The following DNAH7 variants were observed in gnomAD, a reference collection of about 807,000 sequenced individuals.
DNAH7 encodes the protein axonemal beta dynein heavy chain 7.
In DNAH7, 397 loss-of-function variants were observed where a neutral mutation model predicts 444.6. That is an observed-to-expected ratio of 0.89 (90% CI 0.82 to 0.97). DNAH7 has a LOEUF of 0.97. DNAH7 is among the 50% of genes least tolerant of loss of function. The pLI, the probability that DNAH7 is intolerant of heterozygous loss-of-function variation, is 0.00. For missense variants in DNAH7, 4,902 were observed against 4,800.8 expected, an observed-to-expected ratio of 1.02 and a Z score of -0.62; for synonymous variants, 1,636 against 1,624.4, an observed-to-expected ratio of 1.01 and a Z score of -0.17.
intron 61 of DNAH7, among the ~76,000 whole-genome samples, chr2:195,758,395 T>A (rs1168850163): frequency 6.6e-6 from 1 of 152,318 alleles, no homozygotes; most frequent in South Asian, 2.1e-4. Context: ...TGGTAACATA[T>A]GTTTTCCCAA....
At chr2:195,973,647 A>G (rs2125582383) in intron 15 of DNAH7, among the ~76,000 whole-genome samples, 1 of 151,800 alleles carries the variant, frequency 6.6e-6, no homozygotes, top group South Asian at 2.1e-4. Flanking sequence ...TTGTTTTGTA[A>G]TTTGAGTAGA....
chr2:195,831,909 T>C (rs4850376), intron 48 of DNAH7, among the ~76,000 whole-genome samples: 71,111 of 152,006 alleles, frequency 0.47, 18,279 homozygotes, highest in Non-Finnish European at 0.59. Context: ...TTAAGCCTTT[T>C]AATTAACATT....
intron 52 of DNAH7, 94 bp downstream of exon 52, chr2:195,809,651 T>C (rs1696871122): frequency 1.7e-6 from 2 of 1,177,782 alleles, no homozygotes; most frequent in Non-Finnish European, 2.2e-6. Flanking sequence ...CTTAACTATT[T>C]ACAATCTTTT....
intron 54 of DNAH7, among the ~76,000 whole-genome samples, chr2:195,801,156 G>C (rs1696429703): frequency 6.6e-6 from 1 of 152,140 alleles, no homozygotes; most frequent in Non-Finnish European, 1.5e-5. Flanking sequence ...AGAACCATGA[G>C]TTTCTAATCT....
intron 48 of DNAH7, among the ~76,000 whole-genome samples, chr2:195,828,616 T>A (rs868544312): frequency 0.016 from 2,245 of 140,766 alleles, 30 homozygotes; most frequent in East Asian, 0.042. Flanking sequence ...ATATATTTTT[T>A]TTTTTTTTTT....
chr2:195,739,537 T>G (rs1475352856), intron 64 of DNAH7, among the ~76,000 whole-genome samples: 1 of 152,238 alleles, frequency 6.6e-6, no homozygotes, highest in Non-Finnish European at 1.5e-5. Context: ...CTGCCAATAC[T>G]GGATAGGTGC....
chr2:196,063,490 T>C (rs1416464110), intron 1 of DNAH7: 2 of 152,228 alleles, frequency 1.3e-5, no homozygotes, highest in African/African-American at 2.4e-5. Flanking sequence ...TTAGAACAGC[T>C]TCTAACAGTT....
chr2:195,767,643 G>A (rs1694647800), intron 61 of DNAH7, among the ~76,000 whole-genome samples: 1 of 151,792 alleles, frequency 6.6e-6, no homozygotes, highest in Admixed American at 6.6e-5. Flanking sequence ...TAAAAATAAA[G>A]TTAAGACTAT....
intron 54 of DNAH7, among the ~76,000 whole-genome samples, chr2:195,801,181 T>C (rs187800952): frequency 6.9e-4 from 105 of 152,260 alleles, no homozygotes; most frequent in African/African-American, 2.4e-3. Context: ...TCTTTATAAG[T>C]GACGAAGCCT....
intron 33 of DNAH7, 33 bp from the exon 34 acceptor site, chr2:195,886,305 T>A (rs1487213925): frequency 6.3e-7 from 1 of 1,591,950 alleles, no homozygotes; most frequent in African/African-American, 1.3e-5. Context: ...GACTAAACAA[T>A]TTAAATTAGG....
At chr2:196,042,178 A>G in intron 5 of DNAH7, among the ~76,000 whole-genome samples, 1 of 152,046 alleles carries the variant, frequency 6.6e-6, no homozygotes, top group South Asian at 2.1e-4. Flanking sequence ...AACTAAACAT[A>G]GAATTATTAG....
intron 5 of DNAH7, among the ~76,000 whole-genome samples, chr2:196,044,635 T>C (rs1260175961): frequency 6.6e-6 from 1 of 152,208 alleles, no homozygotes; most frequent in Non-Finnish European, 1.5e-5. Flanking sequence ...TTTCAATCTA[T>C]AATTTCCCAG....
chr2:195,922,223 T>A, intron 23 of DNAH7, 26 bp from the exon 24 acceptor site: 1 of 1,345,638 alleles, frequency 7.4e-7, no homozygotes, highest in Admixed American at 1.7e-5. Context: ...TAAAATGAAG[T>A]TAAACAATAA....
intron 57 of DNAH7, among the ~76,000 whole-genome samples, chr2:195,792,167 A>AC (rs1322023848): frequency 2.5e-4 from 1 of 4,050 alleles, no homozygotes; most frequent in Admixed American, 3.8e-3. Flanking sequence ...ACCCTGTCTC[A>AC]AAAAAAAAAA....
chr2:195,852,731 G>A (rs1279800221), intron 46 of DNAH7, among the ~76,000 whole-genome samples: 1 of 152,142 alleles, frequency 6.6e-6, no homozygotes, highest in Non-Finnish European at 1.5e-5. Context: ...TCAGAGAGGT[G>A]GGAGGCAAGG....
intron 46 of DNAH7, among the ~76,000 whole-genome samples, chr2:195,849,256 C>G (rs1699204290): frequency 6.6e-6 from 1 of 152,158 alleles, no homozygotes; most frequent in African/African-American, 2.4e-5. Context: ...CTTCCTTACT[C>G]TTGCTCAAAA....
At chr2:195,898,668 G>C (rs1458235110) in intron 28 of DNAH7, among the ~76,000 whole-genome samples, 1 of 152,198 alleles carries the variant, frequency 6.6e-6, no homozygotes, top group Non-Finnish European at 1.5e-5. Context: ...GGCAGAGCAG[G>C]GGATGCTGCT....
At chr2:195,800,767 C>G (rs1422575173) in intron 54 of DNAH7, among the ~76,000 whole-genome samples, 4 of 151,966 alleles carry the variant, frequency 2.6e-5, no homozygotes, top group Admixed American at 2.0e-4. Context: ...TTCTATTTTC[C>G]TGGAAAAAAA....
chr2:195,959,704 A>G lies in DNAH7; in HGVS notation c.2891+556T>C, dbSNP rs556340767. ...TAAATTACAAAAACTGGAAACATTG[A>G]CAGACAGCTAGGCTTACTTTAATTG... is the stretch of plus-strand genomic sequence containing the variant. On this transcript the variant is annotated intron_variant, in intron 18 of 64. Transcript: ENST00000312428. Among the ~76,000 whole-genome samples, 48 of 152,350 alleles carry G rather than the reference A, an allele frequency of 3.2e-4. 1 individual carries two copies. The Middle Eastern group carries it at 0.024, about 76-fold the overall frequency.
Sources: allele counts gnomAD v4.1 joint callset (sites outside exome capture counted in the v4.1 genomes callset), GRCh38; gene constraint gnomAD v4.1.1; transcripts MANE v1.5; gene names NCBI Gene and HGNC (gene_info 2026-07-23, HGNC 2026-07-21).